The following AMPH variants were observed in gnomAD, a reference collection of about 807,000 sequenced individuals.
The protein encoded by AMPH is amphiphysin (Stiff-Mann syndrome with breast cancer 128kD autoantigen).
Under a neutral mutation model 99.1 loss-of-function variants are expected in AMPH, and 49 were observed. The ratio of observed to expected loss-of-function variants is 0.49; its 90% CI spans 0.39 to 0.63. AMPH has a LOEUF of 0.63. AMPH is among the 20% of genes least tolerant of loss of function. The pLI is 0.00. For missense variants in AMPH, 759 were observed against 863.4 expected, an observed-to-expected ratio of 0.88 and a Z score of 1.52; for synonymous variants, 314 against 317.3, an observed-to-expected ratio of 0.99 and a Z score of 0.11.
chr7:38,433,724 C>CAAAAAAAAAA (rs570503359), intron 12 of AMPH, among the ~76,000 whole-genome samples: 75 of 53,180 alleles, frequency 1.4e-3, no homozygotes, highest in Admixed American at 1.8e-3. Context: ...GACTCCGTCT[C>CAAAAAAAAAA]AAAAAAAAAA....
chr7:38,430,771 A>G (rs1459994008), intron 13 of AMPH, among the ~76,000 whole-genome samples: 2 of 152,236 alleles, frequency 1.3e-5, no homozygotes, highest in African/African-American at 2.4e-5. Flanking sequence ...TAACTTAGTC[A>G]TTGGTGGTTT....
intron 1 of AMPH, among the ~76,000 whole-genome samples, chr7:38,598,486 T>G (rs1180470378): frequency 1.3e-5 from 2 of 152,122 alleles, no homozygotes; most frequent in Non-Finnish European, 2.9e-5. Flanking sequence ...GTATTTTTAG[T>G]AGAGATGGGG....
intron 17 of AMPH, among the ~76,000 whole-genome samples, chr7:38,406,749 TC>T (rs1785016685): frequency 7.2e-6 from 1 of 139,100 alleles, no homozygotes; most frequent in African/African-American, 3.0e-5. Context: ...TCTCTCTCTC[TC>T]TCTCTCTCTC....
In AMPH at chr7:38,486,723, C is replaced by T. The variant is rs77075795; in HGVS notation, c.396+4327G>A. The stretch of plus-strand genomic sequence containing the variant: ...ATTCGACAGCAGATCAAAAGGATCA[C>T]CCATCATGACCAAGTAGGATTCATT... On this transcript the variant is annotated intron_variant, in intron 5 of 20. Coordinates refer to ENST00000356264, the MANE Select transcript of AMPH (RefSeq NM_001635.4). 7.8e-4 allele frequency among the ~76,000 whole-genome samples: 118 copies of T among 152,086 alleles called. No homozygotes were observed. In the East Asian group the frequency reaches 0.021, roughly 27 times the overall value.
chr7:38,391,949 T>TA lies in AMPH; in HGVS notation c.1676dup (p.Thr560AsnfsTer48). ...TCTCCTTGGGCTCTGCACCTATAGT[T>TA]ATTTCGTTTTCTCCTTCCTCTTCAT... On this transcript the variant is annotated frameshift_variant, in exon 19 of 21. Coordinates refer to ENST00000356264, the MANE Select transcript of AMPH (RefSeq NM_001635.4). LOFTEE classifies it high-confidence loss of function. The TA allele has an allele frequency of 6.2e-7, 1 of 1,612,118 alleles. No homozygotes were observed. The highest frequency in any genetic ancestry group is 1.1e-5 in the South Asian group (1 of 91,042).
intron 6 of AMPH, among the ~76,000 whole-genome samples, chr7:38,475,844 A>T (rs746857465): frequency 1.3e-5 from 2 of 152,224 alleles, no homozygotes; most frequent in Non-Finnish European, 2.9e-5. Context: ...AGAAGAGAGA[A>T]GGTAATTTTT....
At position 38,602,401 on chromosome 7, in the gene AMPH, A is replaced by G. The variant is rs75107887; in HGVS notation, c.69+28882T>C. Among the ~76,000 whole-genome samples the G allele has an allele frequency of 5.9e-3, 900 of 152,352 alleles. 7 individuals carry two copies. Among genetic ancestry groups the G allele is most frequent in the African/African-American group, 0.021 (869 of 41,576 alleles). ...TTGAAATGAGTCTTACCAGGCTAAC[A>G]TCGAGCTGTCGGCAGGGCTGTGCTC... On this transcript the variant is annotated intron_variant, in intron 1 of 20. Coordinates refer to ENST00000356264, the MANE Select transcript of AMPH (RefSeq NM_001635.4).
intron 16 of AMPH, among the ~76,000 whole-genome samples, chr7:38,419,595 A>G (rs1485202323): frequency 1.3e-5 from 2 of 152,252 alleles, no homozygotes; most frequent in African/African-American, 2.4e-5. Flanking sequence ...TAGTGGAACA[A>G]GTTTTCATAA....
At chr7:38,620,566 C>A (rs1478381374) in intron 1 of AMPH, among the ~76,000 whole-genome samples, 19 of 151,104 alleles carry the variant, frequency 1.3e-4, no homozygotes, top group African/African-American at 4.6e-4. Context: ...CACACACACA[C>A]ACACACACAC....
intron 1 of AMPH, among the ~76,000 whole-genome samples, chr7:38,550,403 G>A (rs750041802): frequency 6.6e-5 from 10 of 152,162 alleles, no homozygotes; most frequent in South Asian, 2.1e-4. Context: ...AGGAACCAAC[G>A]TCATTATTCT....
At chr7:38,462,090 T>A (rs1048933386) in intron 10 of AMPH, among the ~76,000 whole-genome samples, 2 of 152,156 alleles carry the variant, frequency 1.3e-5, no homozygotes, top group Non-Finnish European at 2.9e-5. Flanking sequence ...ATCACGAGGG[T>A]AAATGACTGC....
At chr7:38,496,957 T>C (rs1788955712) in intron 3 of AMPH, among the ~76,000 whole-genome samples, 2 of 152,096 alleles carry the variant, frequency 1.3e-5, no homozygotes, top group African/African-American at 4.8e-5. Context: ...TAAAATAAAA[T>C]TATATAAGAT....
intron 5 of AMPH, among the ~76,000 whole-genome samples, chr7:38,479,339 A>G (rs143393699): frequency 1.1e-3 from 149 of 139,438 alleles, no homozygotes; most frequent in African/African-American, 4.1e-3. Flanking sequence ...TCCACACCCA[A>G]TGAAAATATT....
chr7:38,544,032 G>A (rs1377354390), intron 1 of AMPH, among the ~76,000 whole-genome samples: 1 of 152,060 alleles, frequency 6.6e-6, no homozygotes, highest in African/African-American at 2.4e-5. Flanking sequence ...CTAAAAACAG[G>A]AGCAGAGAAA....
intron 1 of AMPH, among the ~76,000 whole-genome samples, chr7:38,607,889 AG>A (rs1490637409): frequency 6.6e-6 from 1 of 152,246 alleles, no homozygotes; most frequent in African/African-American, 2.4e-5. Context: ...CTTAAAACAC[AG>A]AATTTTCTTT....
intron 11 of AMPH, among the ~76,000 whole-genome samples, chr7:38,441,789 T>A (rs1476764601): frequency 2.8e-5 from 1 of 36,104 alleles, no homozygotes. Flanking sequence ...CATATATCTG[T>A]CATATATATC....
At chr7:38,580,177 C>G (rs571069668) in intron 1 of AMPH, among the ~76,000 whole-genome samples, 1 of 152,208 alleles carries the variant, frequency 6.6e-6, no homozygotes, top group African/African-American at 2.4e-5. Flanking sequence ...TTATGCCTTT[C>G]TCTTCCTAAT....
intron 15 of AMPH, among the ~76,000 whole-genome samples, chr7:38,424,891 G>T (rs1785728056): frequency 6.6e-6 from 1 of 152,130 alleles, no homozygotes; most frequent in African/African-American, 2.4e-5. Flanking sequence ...GAGGAAGCAG[G>T]TTTCTTACAA....
chr7:38,576,015 C>T (rs371621676), intron 1 of AMPH, among the ~76,000 whole-genome samples: 1 of 152,184 alleles, frequency 6.6e-6, no homozygotes, highest in Admixed American at 6.5e-5. Context: ...AAGGAGCCTT[C>T]GAATTCTAAG....
Sources: gnomAD v4.1 joint callset for allele counts (sites outside exome capture counted in the v4.1 genomes callset) on GRCh38, gnomAD v4.1.1 for gene constraint, MANE v1.5 for transcripts, NCBI Gene and HGNC (gene_info 2026-07-23, HGNC 2026-07-21) for gene names.